The following IP6K1 variants were observed in gnomAD, a reference collection of about 807,000 sequenced individuals.
IP6K1 encodes the protein inositol hexakisphosphate kinase 1.
In IP6K1, 13 loss-of-function variants were observed where a neutral mutation model predicts 38.3. The observed-to-expected ratio is 0.34, with a 90% confidence interval of 0.22 to 0.54. The LOEUF (loss-of-function observed/expected upper bound fraction) is 0.54, where lower values mean the gene tolerates loss of function less well. Among genes scored for constraint, IP6K1 ranks in the 20% least tolerant of loss-of-function variants. The probability of loss-of-function intolerance (pLI) is 0.92; values close to 1 mark genes in which losing one functional copy is unlikely to be tolerated. For missense variants in IP6K1, 397 were observed against 599.8 expected, an observed-to-expected ratio of 0.66 and a Z score of 3.53; for synonymous variants, 212 against 229.9, an observed-to-expected ratio of 0.92 and a Z score of 0.70.
chr3:49,751,559 A>ATGG (rs2080777818), intron 1 of IP6K1, among the ~76,000 whole-genome samples: 1 of 152,090 alleles, frequency 6.6e-6, no homozygotes, highest in Non-Finnish European at 1.5e-5. Context: ...GATGATGATG[A>ATGG]TGTTGGTTGC....
chr3:49,756,838 A>AAAAAAG (rs1559710132), intron 1 of IP6K1, among the ~76,000 whole-genome samples: 5 of 119,174 alleles, frequency 4.2e-5, no homozygotes, highest in Non-Finnish European at 6.8e-5. Context: ...AAAAAAAAAA[A>AAAAAAG]AAAGAAAAAA....
chr3:49,761,141 CTG>C (rs1160769348), intron 1 of IP6K1, among the ~76,000 whole-genome samples: 1 of 148,688 alleles, frequency 6.7e-6, no homozygotes, highest in African/African-American at 2.5e-5. Context: ...CGGTGAAACC[CTG>C]TCTCTACTAA....
intron 1 of IP6K1, among the ~76,000 whole-genome samples, chr3:49,771,561 G>C (rs535748262): frequency 6.6e-6 from 1 of 152,144 alleles, no homozygotes; most frequent in South Asian, 2.1e-4. Context: ...ACTTAATGTT[G>C]CTAAATGTGG....
At chr3:49,736,798 G>A (rs2080616235) in intron 3 of IP6K1, among the ~76,000 whole-genome samples, 1 of 136,436 alleles carries the variant, frequency 7.3e-6, no homozygotes, top group Non-Finnish European at 1.5e-5. Context: ...TTGAGATGGA[G>A]TCTTGCTCTG....
chr3:49,760,107 G>A (rs2080855871), intron 1 of IP6K1, among the ~76,000 whole-genome samples: 3 of 151,944 alleles, frequency 2.0e-5, no homozygotes, highest in South Asian at 2.1e-4. Flanking sequence ...TATTGCCCAC[G>A]CTGGTCTCCA....
intron 1 of IP6K1, among the ~76,000 whole-genome samples, chr3:49,768,481 A>G (rs1055597927): frequency 2.0e-5 from 3 of 152,234 alleles, no homozygotes; most frequent in African/African-American, 4.8e-5. Context: ...TACATAAAAT[A>G]AAACAGGGCT....
At chr3:49,763,659 T>C (rs1028244881) in intron 1 of IP6K1, among the ~76,000 whole-genome samples, 5 of 152,132 alleles carry the variant, frequency 3.3e-5, no homozygotes, top group African/African-American at 1.2e-4. Context: ...AGCCATAAGA[T>C]GTAATCATCT....
At chr3:49,733,011 G>A (rs755032637) in intron 3 of IP6K1, 39 bp from the exon 4 acceptor site, 3 of 1,535,714 alleles carry the variant, frequency 2.0e-6, no homozygotes, top group Admixed American at 1.7e-5. Context: ...AGAAACTCAG[G>A]CAAGTCATCC....
At chr3:49,740,832 T>C (rs1234988763) in intron 2 of IP6K1, among the ~76,000 whole-genome samples, 2 of 152,122 alleles carry the variant, frequency 1.3e-5, no homozygotes, top group Non-Finnish European at 2.9e-5. Context: ...AACAATCCAT[T>C]TGAATCCCTG....
chr3:49,766,291 C>T (rs1471505127), intron 1 of IP6K1, among the ~76,000 whole-genome samples: 5 of 151,936 alleles, frequency 3.3e-5, no homozygotes, highest in African/African-American at 4.8e-5. Flanking sequence ...ATCACTTGAG[C>T]CCAAGAGATC....
At chr3:49,738,077 C>T in intron 3 of IP6K1, 135 bp downstream of exon 3, 1 of 693,402 alleles carries the variant, frequency 1.4e-6, no homozygotes, top group Non-Finnish European at 2.5e-6. Flanking sequence ...GAAGAGGCTA[C>T]ACCTGTGTGG....
chr3:49,765,527 G>A (rs1333135845), intron 1 of IP6K1, among the ~76,000 whole-genome samples: 1 of 148,750 alleles, frequency 6.7e-6, no homozygotes, highest in Non-Finnish European at 1.5e-5. Flanking sequence ...GCACGTGCCT[G>A]TAATCCCAGC....
In IP6K1 at chr3:49,727,291, C is replaced by T. The variant is rs767911451; in HGVS notation, c.1157G>A (p.Gly386Asp). 104 of 1,614,058 alleles carry T rather than the reference C, an allele frequency of 6.4e-5. No individual in the cohort carries two copies. The highest frequency in any genetic ancestry group is 8.6e-5 in the Non-Finnish European group (101 of 1,180,032). ...TSPSNTSPEA[G>D]PSSQPKVDVR... is the part of the protein sequence containing the mutation. ...ATCCACCTTGGGCTGAGAGGAGGGA[C>T]CCGCCTCGGGGCTGGTGTTGCTGGG... Residue 386 changes from glycine to aspartate, a missense_variant, in exon 6 of 6, where the codon GGT becomes GAT. By Grantham distance (94) the Gly-to-Asp change is moderately conservative (BLOSUM62 -1). Transcript: ENST00000321599. The surrounding 1 kb of genome is among the most constrained non-coding windows in gnomAD (Gnocchi z 5.9).
At chr3:49,754,380 G>GAA (rs1247540892) in intron 1 of IP6K1, among the ~76,000 whole-genome samples, 3 of 143,848 alleles carry the variant, frequency 2.1e-5, no homozygotes, top group Non-Finnish European at 3.1e-5. Context: ...TGTCTCAGGG[G>GAA]AAAAAAAAAA....
chr3:49,748,115 G>C lies in IP6K1; in HGVS notation c.-75C>G. On this transcript the variant is annotated 5_prime_UTR_variant, in exon 2 of 6. Transcript: ENST00000321599. ...CCACAAAAGGAGAGCTACATAGAAG[G>C]TCCTGGCCAGGTGAAAGCCAATGGT... The C allele has an allele frequency of 6.7e-7, 1 of 1,502,294 alleles. No homozygotes were observed. The highest frequency in any genetic ancestry group is 1.1e-5 in the South Asian group (1 of 87,650). The allele number at this position is 1,502,294 out of a possible 1,614,324, so 93.1% of individuals were successfully genotyped here. A position where few individuals can be genotyped will look rare whatever the true frequency, so the allele number is the denominator to read the frequency against.
At chr3:49,775,575 T>C (rs2081000061) in intron 1 of IP6K1, 3 of 1,043,632 alleles carry the variant, frequency 2.9e-6, no homozygotes, top group Non-Finnish European at 4.2e-6. Context: ...GACAGACCTC[T>C]TCTACGAACA....
intron 1 of IP6K1, among the ~76,000 whole-genome samples, chr3:49,751,100 C>T (rs1342286340): frequency 6.6e-6 from 1 of 152,100 alleles, no homozygotes; most frequent in African/African-American, 2.4e-5. Flanking sequence ...AGGGCTTGGG[C>T]TTGCCTCGCC....
intron 3 of IP6K1, among the ~76,000 whole-genome samples, chr3:49,737,071 C>CTTT (rs527723899): frequency 1.5e-3 from 173 of 113,022 alleles, no homozygotes; most frequent in African/African-American, 4.9e-3. Flanking sequence ...CAAGCCTGGC[C>CTTT]TTTTTTTTTT....
intron 1 of IP6K1, among the ~76,000 whole-genome samples, chr3:49,783,232 G>A (rs1461465138): frequency 6.6e-6 from 1 of 151,966 alleles, no homozygotes; most frequent in African/African-American, 2.4e-5. Flanking sequence ...CTGGGCAACT[G>A]AGACCCCATC....
Sources: allele counts gnomAD v4.1 joint callset (sites outside exome capture counted in the v4.1 genomes callset), GRCh38; gene constraint gnomAD v4.1.1; non-coding constraint Gnocchi (gnomAD v3.1); transcripts MANE v1.5; gene names NCBI Gene and HGNC (gene_info 2026-07-23, HGNC 2026-07-21).